The following LGR6 variants were observed in gnomAD, a reference collection of about 807,000 sequenced individuals.
LGR6 encodes leucine rich repeat containing G protein-coupled receptor 6.
Under a neutral mutation model 69.4 loss-of-function variants are expected in LGR6, and 45 were observed. The observed-to-expected ratio is 0.65, with a 90% CI of 0.51 to 0.83. The LOEUF (loss-of-function observed/expected upper bound fraction) is 0.83. LGR6 is among the 40% of genes least tolerant of loss of function. The pLI is 0.00. For missense variants in LGR6, 1,108 were observed against 1,246.7 expected (o/e 0.89, Z 1.68); for synonymous variants, 538 against 555.0 (o/e 0.97, Z 0.43).
chr1:202,258,904 C>G (rs1223753999), intron 4 of LGR6, among the ~76,000 whole-genome samples: 1 of 151,936 alleles, frequency 6.6e-6, no homozygotes, highest in Admixed American at 6.6e-5. Flanking sequence ...CTAGTATTTT[C>G]TCATTAAGTC....
In LGR6 at chr1:202,193,806, A is replaced by C; in HGVS notation, c.-184A>C. Reference sequence around the variant, plus strand: ...AACTGAATAACGAAGATCACTCAACAATGCCTGCCCCTCTCTGACTGCACC... The same window carrying C: ...AACTGAATAACGAAGATCACTCAACCATGCCTGCCCCTCTCTGACTGCACC... On this transcript the variant is annotated 5_prime_UTR_variant, in exon 1 of 18. Transcript: ENST00000367278. 3.4e-6 allele frequency: 1 copy of C among 298,234 alleles called. No homozygotes were observed. Among genetic ancestry groups the C allele is most frequent in the Non-Finnish European group, 6.1e-6 (1 of 163,276 alleles). 18.5% of individuals were successfully genotyped at this position (298,234 alleles called of 1,614,324 possible).
intron 3 of LGR6, among the ~76,000 whole-genome samples, chr1:202,233,275 T>C (rs764091429): frequency 1.3e-5 from 2 of 152,062 alleles, no homozygotes; most frequent in African/African-American, 2.4e-5. Flanking sequence ...TAGGAGGTGA[T>C]GTAGGTAAAG....
At chr1:202,198,057 G>A (rs1558000531) in intron 1 of LGR6, among the ~76,000 whole-genome samples, 1 of 152,194 alleles carries the variant, frequency 6.6e-6, no homozygotes, top group African/African-American at 2.4e-5. Context: ...GCTTTCTTAC[G>A]AATTCACTCC....
intron 7 of LGR6, among the ~76,000 whole-genome samples, chr1:202,300,565 G>A (rs1643855200): frequency 6.6e-6 from 1 of 151,546 alleles, no homozygotes; most frequent in Admixed American, 6.6e-5. Flanking sequence ...TGAGGCAGGA[G>A]AATCGCTTGA....
chr1:202,257,521 C>T (rs1558041508), intron 4 of LGR6, among the ~76,000 whole-genome samples: 1 of 152,080 alleles, frequency 6.6e-6, no homozygotes, highest in Non-Finnish European at 1.5e-5. Context: ...ATGTAGATAT[C>T]CACATGTTCC....
chr1:202,280,137 G>A (rs1003895075), intron 5 of LGR6, among the ~76,000 whole-genome samples: 2 of 151,948 alleles, frequency 1.3e-5, no homozygotes, highest in African/African-American at 4.8e-5. Context: ...GCTTATGCTT[G>A]GATAGCTCTG....
At chr1:202,270,582 G>A (rs1372148947) in intron 4 of LGR6, among the ~76,000 whole-genome samples, 2 of 152,146 alleles carry the variant, frequency 1.3e-5, no homozygotes, top group Non-Finnish European at 2.9e-5. Context: ...CTGCCTTTGG[G>A]CATTTCTCTT....
intron 9 of LGR6, 124 bp downstream of exon 9, chr1:202,301,359 G>T (rs903667424): frequency 3.7e-6 from 3 of 818,710 alleles, no homozygotes. Flanking sequence ...GCAAAGCGTG[G>T]TCTTCAAGGC....
chr1:202,214,110 G>A (rs1659588629), intron 1 of LGR6: 1 of 1,430,484 alleles, frequency 7.0e-7, no homozygotes, highest in Non-Finnish European at 9.1e-7. Flanking sequence ...GGAGGGTGGC[G>A]GGCACTGGAC....
chr1:202,279,272 A>G (rs1470969071), intron 5 of LGR6, among the ~76,000 whole-genome samples: 2 of 152,226 alleles, frequency 1.3e-5, no homozygotes, highest in Non-Finnish European at 2.9e-5. Flanking sequence ...CTCCCTGGGG[A>G]CAGGAGTCTG....
At position 202,300,859 on chromosome 1, in the gene LGR6, A is replaced by T; in HGVS notation, c.796A>T (p.Asn266Tyr). ...LGRLQELGFH[N>Y]NNIKAIPEKA... The stretch of plus-strand genomic sequence containing the variant: ...GGTGTTGTCTTCCAGGGGGTTCCAT[A>T]ACAACAACATCAAGGCCATCCCAGA... Residue 266 changes from asparagine (N) to tyrosine (Y), a missense_variant, in exon 8 of 18, where the codon AAC becomes TAC. Physicochemically the swap from Asn to Tyr is moderately radical, Grantham distance 143 (BLOSUM62 -2). Coordinates refer to ENST00000367278, the MANE Select transcript of LGR6 (RefSeq NM_001017403.2). The T allele has an allele frequency of 1.2e-6, 2 of 1,610,712 alleles. No individual in the cohort carries two copies. The highest frequency in any genetic ancestry group is 4.5e-5 in the East Asian group (2 of 44,844).
intron 4 of LGR6, among the ~76,000 whole-genome samples, chr1:202,266,130 C>T (rs1286760067): frequency 6.6e-6 from 1 of 151,376 alleles, no homozygotes; most frequent in Admixed American, 6.6e-5. Flanking sequence ...AAATAACAGG[C>T]AGCTTCTACA....
intron 14 of LGR6, among the ~76,000 whole-genome samples, chr1:202,308,256 C>T (rs1653424355): frequency 6.6e-6 from 1 of 152,184 alleles, no homozygotes; most frequent in Admixed American, 6.5e-5. Context: ...AAACTCTCAC[C>T]TCCGTCTTCC....
intron 4 of LGR6, 139 bp from the exon 5 acceptor site, chr1:202,276,167 A>G: frequency 1.5e-6 from 1 of 657,078 alleles, no homozygotes; most frequent in Non-Finnish European, 2.7e-6. Flanking sequence ...GGGATACAGG[A>G]TACATGGTGG....
chr1:202,266,106 TAA>T (rs35998973), intron 4 of LGR6, among the ~76,000 whole-genome samples: 2,000 of 143,758 alleles, frequency 0.014, 19 homozygotes, highest in African/African-American at 0.028. Context: ...CTTTCCAGAT[TAA>T]AAAAAAAAAA....
In LGR6 at chr1:202,314,856, C is replaced by T. The variant is rs1260923333; in HGVS notation, c.1622C>T (p.Pro541Leu). The change falls in exon 17 of 18, where the codon CCC becomes CTC. Residue 541 changes from proline to leucine, a missense_variant. By Grantham distance (98) the Pro-to-Leu change is moderately conservative. Transcript: ENST00000367278. ...QLEMEDSKPH[P>L]SVQCSPTPGP... ...GAGATGGAGGACTCAAAGCCACACC[C>T]CAGTGTCCAGTGTAGCCCTACTCCA... The T allele has an allele frequency of 1.2e-6, 2 of 1,613,848 alleles. No individual in the cohort carries two copies. The highest frequency in any genetic ancestry group is 2.7e-5 in the African/African-American group (2 of 74,910).
chr1:202,301,857 A>C (rs1667619422), intron 9 of LGR6, among the ~76,000 whole-genome samples: 1 of 152,024 alleles, frequency 6.6e-6, no homozygotes, highest in Admixed American at 6.6e-5. Flanking sequence ...TCTCTACTAA[A>C]AATACAAAAA....
chr1:202,290,275 G>T (rs1260614062), intron 6 of LGR6, among the ~76,000 whole-genome samples: 1 of 152,180 alleles, frequency 6.6e-6, no homozygotes, highest in Admixed American at 6.5e-5. Context: ...CAGAAGGCAA[G>T]AACTCTCTCT....
rs1251032494 is a variant in LGR6, at chr1:202,193,956, G to C, written c.-34G>C. The C allele has an allele frequency of 1.6e-6, 2 of 1,279,636 alleles. No homozygotes were observed. Among genetic ancestry groups the C allele is most frequent in the African/African-American group, 1.6e-5 (1 of 63,490 alleles). The allele number at this position is 1,279,636 out of a possible 1,614,324, so 79.3% of individuals were successfully genotyped here. On this transcript the variant is annotated 5_prime_UTR_variant, in exon 1 of 18. Transcript: ENST00000367278. ...GCCATCGCGCCGTGCGTCCGCGCCCGGCCGCCAGGTGCCCCAGTAGCCCGA... is the reference window on the plus strand; with the variant it reads ...GCCATCGCGCCGTGCGTCCGCGCCCCGCCGCCAGGTGCCCCAGTAGCCCGA...
Sources: gnomAD v4.1 joint callset for allele counts (sites outside exome capture counted in the v4.1 genomes callset) on GRCh38, gnomAD v4.1.1 for gene constraint, MANE v1.5 for transcripts, NCBI Gene and HGNC (gene_info 2026-07-23, HGNC 2026-07-21) for gene names.